CCAR2: variants seen among roughly 807,000 people sequenced by gnomAD.
The protein encoded by CCAR2 is cell cycle and apoptosis regulator protein 2.
CCAR2 carries 21 observed loss-of-function variants against 108.1 expected under a neutral mutation model. That is an observed-to-expected ratio of 0.19 (90% confidence interval 0.14 to 0.28). The LOEUF (loss-of-function observed/expected upper bound fraction) is 0.28. Ranked by LOEUF, CCAR2 falls within the 10% of genes least tolerant of loss-of-function variation. The probability of loss-of-function intolerance (pLI) is 1.00; values close to 1 mark genes in which losing one functional copy is unlikely to be tolerated. For synonymous variants in CCAR2, 577 were observed against 472.8 expected (o/e 1.22, Z -2.86); for missense variants, 1,126 against 1,177.0 (o/e 0.96, Z 0.63).
chr8:22,608,900 C>T (rs944948904), intron 7 of CCAR2, among the ~76,000 whole-genome samples: 5 of 152,170 alleles, frequency 3.3e-5, no homozygotes, highest in African/African-American at 1.2e-4. Flanking sequence ...AGCTACCATT[C>T]TTTTTCATCT....
At chr8:22,605,964 C>T (rs1801062478) in intron 2 of CCAR2, 121 bp from the exon 3 acceptor site, 2 of 1,259,396 alleles carry the variant, frequency 1.6e-6, no homozygotes, top group Admixed American at 1.8e-5. Flanking sequence ...CAGTGATTGC[C>T]AGTGAAGCTC....
intron 6 of CCAR2, 117 bp downstream of exon 6, chr8:22,607,442 T>G (rs2117415336): frequency 2.8e-6 from 3 of 1,078,472 alleles, no homozygotes; most frequent in Non-Finnish European, 3.9e-6. Flanking sequence ...GGAAGAAAGG[T>G]GGGCAATCTG....
rs750680905 is a variant in CCAR2 at position 22,616,189 on chromosome 8, A to G, written c.1786A>G (p.Lys596Glu). The change falls in exon 14 of 21, where the codon AAG becomes GAG. Residue 596 changes from lysine (K) to glutamate (E), a missense_variant. Around this residue, in one of 4 missense-constraint regions of CCAR2, gnomAD observed 1,013 missense variants for 993.9 expected, o/e 1.02. Coordinates refer to ENST00000308511, the MANE Select transcript of CCAR2 (RefSeq NM_001393997.1). ...AGAAGCCATCAAAGAGGAGGTGGTC[A>G]AGGAGCCCAAGGATGAGGCACAGAA... ...EEEAIKEEVV[K>E]EPKDEAQNEG... 1 of 1,613,928 alleles carries G rather than the reference A, an allele frequency of 6.2e-7. No individual in the cohort carries two copies. Among genetic ancestry groups the G allele is most frequent in the Non-Finnish European group, 8.5e-7 (1 of 1,180,020 alleles).
In CCAR2 at chr8:22,619,242, G is replaced by A. The variant is rs1563929900; in HGVS notation, c.2614G>A (p.Glu872Lys). ...GCTGCGAGTCCGGCTGGCGGAGGCC[G>A]AGGAGACCGCCCGGACGGCGGAGCG... ...QELRVRLAEAEETARTAERQK... is the reference protein window; with the variant it reads ...QELRVRLAEAKETARTAERQK... Residue 872 changes from glutamate (E) to lysine (K), a missense_variant, in exon 20 of 21, where the codon GAG becomes AAG. Glu to Lys is a moderately conservative substitution (Grantham distance 56). Coordinates refer to ENST00000308511, the MANE Select transcript of CCAR2 (RefSeq NM_001393997.1). 2.5e-6 allele frequency: 4 copies of A among 1,570,112 alleles called. No homozygotes were observed. Among genetic ancestry groups the A allele is most frequent in the Non-Finnish European group, 3.5e-6 (4 of 1,158,268 alleles).
Position 22,615,999 on chromosome 8 carries a change from AC to A in CCAR2, c.1609-11del. 6.2e-7 allele frequency: 1 copy of A among 1,613,080 alleles called. No homozygotes were observed. The highest frequency in any genetic ancestry group is 8.5e-7 in the Non-Finnish European group (1 of 1,179,520). ...CTTCCTGATGCTCATGGACCCTCCC[AC>A]CTCCCCATCAGGTGATGGTGCTGGC... On this transcript the variant is annotated splice_polypyrimidine_tract_variant and intron_variant, in intron 13 of 20. Transcript: ENST00000308511.
At chr8:22,621,043 TG>T, downstream of CCAR2, 1 of 176,716 alleles carries the variant, frequency 5.7e-6, no homozygotes, top group East Asian at 1.6e-4. Context: ...CTCCCCAGGA[TG>T]GGTCTTTTGG....
intron 1 of CCAR2, chr8:22,605,146 G>T: frequency 5.1e-6 from 1 of 195,376 alleles, no homozygotes; most frequent in South Asian, 6.5e-5. Flanking sequence ...GGAGGGTGGC[G>T]CGCAGCCGGT....
In CCAR2 at chr8:22,616,154, C is replaced by T; in HGVS notation, c.1751C>T (p.Thr584Ile). ...EKEEAAKEEA[T>I]KEEEAIKEEV... ...GAGGAGGCGGCCAAGGAAGAAGCCA[C>T]CAAGGAGGAAGAAGCCATCAAAGAG... Residue 584 changes from threonine to isoleucine, a missense_variant, in exon 14 of 21, where the codon ACC becomes ATC. Thr to Ile is a moderately conservative substitution (Grantham distance 89). This residue lies in a region of CCAR2 where 1,013 missense variants were observed against 993.9 expected (regional missense o/e 1.02). Coordinates refer to ENST00000308511, the MANE Select transcript of CCAR2 (RefSeq NM_001393997.1). 1 of 1,613,890 alleles carries T rather than the reference C, an allele frequency of 6.2e-7. No individual in the cohort carries two copies. The highest frequency in any genetic ancestry group is 8.5e-7 in the Non-Finnish European group (1 of 1,179,992).
In CCAR2 at chr8:22,616,140, C is replaced by G. The variant is rs759053627; in HGVS notation, c.1737C>G (p.Ala579=). 1.9e-6 allele frequency: 3 copies of G among 1,613,612 alleles called. No homozygotes were observed. The South Asian group carries it at 3.3e-5, about 18-fold the overall frequency. ...SPPEPEKEEA[A]KEEATKEEEA... Reference sequence around the variant, plus strand: ...CTGAACCTGAGAAGGAGGAGGCGGCCAAGGAAGAAGCCACCAAGGAGGAAG... The same window carrying G: ...CTGAACCTGAGAAGGAGGAGGCGGCGAAGGAAGAAGCCACCAAGGAGGAAG... Residue 579 remains alanine (A), a synonymous_variant, in exon 14 of 21, where the codon GCC becomes GCG. Coordinates refer to ENST00000308511, the MANE Select transcript of CCAR2 (RefSeq NM_001393997.1).
At chr8:22,619,042 T>C in intron 19 of CCAR2, 27 bp downstream of exon 19, 1 of 1,609,484 alleles carries the variant, frequency 6.2e-7, no homozygotes. Context: ...GCAGCCACCA[T>C]GGGGTCACAT....
chr8:22,605,544 G>A, intron 1 of CCAR2, 192 bp from the exon 2 acceptor site: 1 of 574,780 alleles, frequency 1.7e-6, no homozygotes. Context: ...TTATTGTCAG[G>A]GCAAACTGGA....
rs781445228 is a variant in CCAR2 at position 22,619,259 on chromosome 8, G to A, written c.2631G>A (p.Thr877=). The change falls in exon 20 of 21, where the codon ACG becomes ACA. Residue 877 remains threonine, a synonymous_variant. Transcript: ENST00000308511. ...CGGAGGCCGAGGAGACCGCCCGGAC[G>A]GCGGAGCGACAGAAGAGCCAGCTCC... ...RLAEAEETAR[T]AERQKSQLQR... 27 of 1,564,694 alleles carry A rather than the reference G, an allele frequency of 1.7e-5. No homozygotes were observed. In the African/African-American group the frequency reaches 1.9e-4, roughly 11 times the overall value.
chr8:22,605,810 C>T lies in CCAR2; in HGVS notation c.37C>T (p.Pro13Ser). The change falls in exon 2 of 21, where the codon CCA (proline) becomes TCA (serine). Residue 13 changes from proline to serine, a missense_variant. Coordinates refer to ENST00000308511, the MANE Select transcript of CCAR2 (RefSeq NM_001393997.1). ...QFKRQRINPL[P>S]GGRNFSGTAS... Reference sequence around the variant, plus strand: ...TAAGCGCCAGCGGATCAACCCGCTTCCAGGGGGACGCAACTTCTCAGGTGA... The same window carrying T: ...TAAGCGCCAGCGGATCAACCCGCTTTCAGGGGGACGCAACTTCTCAGGTGA... The T allele has an allele frequency of 6.2e-7, 1 of 1,614,044 alleles. No homozygotes were observed. Among genetic ancestry groups the T allele is most frequent in the Non-Finnish European group, 8.5e-7 (1 of 1,179,968 alleles).
In CCAR2 at chr8:22,619,886, C is replaced by A; in HGVS notation, c.*204C>A. The A allele has an allele frequency of 1.7e-6, 1 of 593,118 alleles. No individual in the cohort carries two copies. The highest frequency in any genetic ancestry group is 3.0e-6 in the Non-Finnish European group (1 of 332,076). The allele number at this position is 593,118 out of a possible 1,614,324, so 36.7% of individuals were successfully genotyped here. A position where few individuals can be genotyped will look rare whatever the true frequency, so the allele number is the denominator to read the frequency against. ...ATGGATGTGTGAGGAACCCCGGTTC[C>A]ACTTAACAACTAAATACAACATCTT... On this transcript the variant is annotated 3_prime_UTR_variant, in exon 21 of 21. Coordinates refer to ENST00000308511, the MANE Select transcript of CCAR2 (RefSeq NM_001393997.1).
intron 5 of CCAR2, 68 bp downstream of exon 5, chr8:22,607,092 G>A (rs1355853564): frequency 5.0e-6 from 8 of 1,608,720 alleles, no homozygotes; most frequent in South Asian, 1.1e-5. Context: ...CCTGACAGCT[G>A]GGCAAAACCC....
At chr8:22,605,308 T>A (rs1183519204) in intron 1 of CCAR2, 1 of 162,378 alleles carries the variant, frequency 6.2e-6, no homozygotes, top group African/African-American at 2.4e-5. Flanking sequence ...TGGCGGATGT[T>A]TTTGAACGAA....
intron 3 of CCAR2, 107 bp downstream of exon 3, chr8:22,606,283 C>A: frequency 9.9e-7 from 1 of 1,006,706 alleles, no homozygotes; most frequent in South Asian, 1.4e-5. Context: ...CCTGATCCCT[C>A]TCCTGGTAGT....
At chr8:22,609,217 AT>A (rs1213101589) in intron 7 of CCAR2, among the ~76,000 whole-genome samples, 1 of 152,076 alleles carries the variant, frequency 6.6e-6, no homozygotes, top group Non-Finnish European at 1.5e-5. Context: ...TGCTGGAGTA[AT>A]TTTTTAAAAC....
intron 1 of CCAR2, 132 bp from the exon 2 acceptor site, chr8:22,605,604 C>A: frequency 1.6e-6 from 1 of 621,764 alleles, no homozygotes. Context: ...TCTCTCCATC[C>A]ATTGCTTTCA....
Sources: gnomAD v4.1 joint callset for allele counts (sites outside exome capture counted in the v4.1 genomes callset) on GRCh38, gnomAD v4.1.1 for gene constraint, gnomAD v4.1.1 regional missense constraint, MANE v1.5 for transcripts, NCBI Gene and HGNC (gene_info 2026-07-23, HGNC 2026-07-21) for gene names.